CREB3L2: variants seen among roughly 807,000 people sequenced by gnomAD.
The protein encoded by CREB3L2 is cAMP responsive element binding protein 3 like 2, also known as cyclic AMP-responsive element-binding protein 3-like protein 2.
CREB3L2 carries 23 observed loss-of-function variants against 57.2 expected under a neutral mutation model. That is an observed-to-expected ratio of 0.40 (90% CI 0.29 to 0.57). The LOEUF (loss-of-function observed/expected upper bound fraction) is 0.57. Among genes scored for constraint, CREB3L2 ranks in the 20% least tolerant of loss-of-function variants. CREB3L2 has a pLI of 0.42. For missense variants in CREB3L2, 628 were observed against 634.7 expected (o/e 0.99, Z 0.11); for synonymous variants, 268 against 265.1 (o/e 1.01, Z -0.11).
At chr7:137,901,738 G>T (rs1397774135) in intron 7 of CREB3L2, among the ~76,000 whole-genome samples, 1 of 151,516 alleles carries the variant, frequency 6.6e-6, no homozygotes, top group Non-Finnish European at 1.5e-5. Flanking sequence ...AATTAGCTGG[G>T]CGTGGTGGCA....
intron 1 of CREB3L2, among the ~76,000 whole-genome samples, chr7:137,936,461 A>T (rs781282041): frequency 1.8e-4 from 28 of 152,276 alleles, no homozygotes; most frequent in Non-Finnish European, 2.9e-4. Flanking sequence ...GCGTGTGTGC[A>T]TGTGAGTGTG....
chr7:137,994,623 C>T (rs937088498), intron 1 of CREB3L2, among the ~76,000 whole-genome samples: 4 of 152,124 alleles, frequency 2.6e-5, no homozygotes, highest in African/African-American at 7.2e-5. Flanking sequence ...TTTCACTGGG[C>T]ATTGGTAGCA....
intron 1 of CREB3L2, among the ~76,000 whole-genome samples, chr7:137,951,267 T>C (rs1365774925): frequency 6.6e-6 from 1 of 152,190 alleles, no homozygotes; most frequent in East Asian, 1.9e-4. Flanking sequence ...GGCTGTGATA[T>C]GCCTCACAGA....
chr7:137,883,415 G>A (rs554567593), intron 10 of CREB3L2, among the ~76,000 whole-genome samples: 23 of 152,258 alleles, frequency 1.5e-4, no homozygotes, highest in South Asian at 1.2e-3. Context: ...GGCTGAAACC[G>A]AAGATAGAAC....
At chr7:137,901,023 T>A (rs1472719879) in intron 8 of CREB3L2, among the ~76,000 whole-genome samples, 1 of 152,196 alleles carries the variant, frequency 6.6e-6, no homozygotes, top group Non-Finnish European at 1.5e-5. Context: ...AGCTTCTTCT[T>A]CAATCCTGTA....
At chr7:137,918,108 G>A (rs554425327) in intron 2 of CREB3L2, among the ~76,000 whole-genome samples, 2 of 152,156 alleles carry the variant, frequency 1.3e-5, no homozygotes, top group Admixed American at 6.5e-5. Context: ...AAGAACACCC[G>A]CTTAGGACAG....
chr7:137,902,194 CA>C (rs58506555), intron 7 of CREB3L2, among the ~76,000 whole-genome samples: 2,392 of 84,864 alleles, frequency 0.028, 60 homozygotes, highest in African/African-American at 0.081. Context: ...ACTCTGTCTC[CA>C]AAAAAAAAAA....
At chr7:137,922,733 G>A (rs1376856649) in intron 2 of CREB3L2, 3 of 415,790 alleles carry the variant, frequency 7.2e-6, no homozygotes, top group East Asian at 7.4e-5. Flanking sequence ...CAGGGAGGGC[G>A]GACCGTACAT....
chr7:137,956,534 C>T, intron 1 of CREB3L2: 1 of 1,038,324 alleles, frequency 9.6e-7, no homozygotes, highest in South Asian at 1.3e-5. Flanking sequence ...CCTAAGCCCA[C>T]CTGAGCTGCT....
Position 138,001,727 on chromosome 7 carries a change from C to A in CREB3L2, c.-22G>T. The A allele has an allele frequency of 6.3e-7, 1 of 1,580,432 alleles. No homozygotes were observed. The highest frequency in any genetic ancestry group is 8.6e-7 in the Non-Finnish European group (1 of 1,162,544). ...CCATGGCGGTGCGGGCCGCGCTGGG[C>A]CGAGGATGCTAAGCGCAGGAGGGGA... On this transcript the variant is annotated 5_prime_UTR_variant, in exon 1 of 12. Coordinates refer to ENST00000330387, the MANE Select transcript of CREB3L2 (RefSeq NM_194071.4). This position sits in a 1 kb window ranked among gnomAD's most constrained non-coding sequence, Gnocchi z 4.2.
At chr7:137,954,251 T>C (rs1801163432) in intron 1 of CREB3L2, among the ~76,000 whole-genome samples, 1 of 151,754 alleles carries the variant, frequency 6.6e-6, no homozygotes, top group African/African-American at 2.4e-5. Flanking sequence ...TCTTAGTGCT[T>C]GTTTACATTT....
At chr7:137,974,957 T>C (rs1801580465) in intron 1 of CREB3L2, among the ~76,000 whole-genome samples, 1 of 152,098 alleles carries the variant, frequency 6.6e-6, no homozygotes, top group Non-Finnish European at 1.5e-5. Context: ...TATGGGCCCA[T>C]CATGATAGAG....
intron 1 of CREB3L2, among the ~76,000 whole-genome samples, chr7:137,946,905 T>C (rs1272621295): frequency 1.1e-4 from 6 of 56,798 alleles, no homozygotes; most frequent in Admixed American, 5.1e-4. Context: ...TATAGTTATA[T>C]ATATAGTTAT....
At chr7:137,995,969 A>AT (rs1411078947) in intron 1 of CREB3L2, among the ~76,000 whole-genome samples, 2 of 152,190 alleles carry the variant, frequency 1.3e-5, no homozygotes, top group Non-Finnish European at 2.9e-5. Flanking sequence ...TCCGTCAAAG[A>AT]TTTTTTGCTA....
At chr7:137,986,777 T>A (rs1295264489) in intron 1 of CREB3L2, among the ~76,000 whole-genome samples, 1 of 152,200 alleles carries the variant, frequency 6.6e-6, no homozygotes, top group Admixed American at 6.5e-5. Flanking sequence ...TGTATTTCAG[T>A]CAAAAGGAAA....
chr7:137,891,487 C>CA (rs2117184965), intron 8 of CREB3L2, among the ~76,000 whole-genome samples: 1 of 151,856 alleles, frequency 6.6e-6, no homozygotes, highest in South Asian at 2.1e-4. Flanking sequence ...CCACTGGAGT[C>CA]AGAAACCAGG....
intron 1 of CREB3L2, among the ~76,000 whole-genome samples, chr7:137,994,842 G>T (rs73729538): frequency 0.042 from 6,321 of 152,206 alleles, 204 homozygotes; most frequent in African/African-American, 0.078. Context: ...ACTGTTTTGC[G>T]CCCAGGGCAA....
chr7:137,893,804 G>A (rs1269762572), intron 8 of CREB3L2, among the ~76,000 whole-genome samples: 2 of 152,216 alleles, frequency 1.3e-5, no homozygotes, highest in Admixed American at 1.3e-4. Flanking sequence ...TGTCAGGCAA[G>A]CATGTCCCTT....
chr7:137,916,061 G>C (rs1158528948), intron 2 of CREB3L2, 49 bp from the exon 3 acceptor site: 2 of 1,505,496 alleles, frequency 1.3e-6, no homozygotes. Context: ...AGGGCATCAG[G>C]CATAAGCAAA....
Sources: allele counts gnomAD v4.1 joint callset (sites outside exome capture counted in the v4.1 genomes callset), GRCh38; gene constraint gnomAD v4.1.1; non-coding constraint Gnocchi (gnomAD v3.1); transcripts MANE v1.5; gene names NCBI Gene and HGNC (gene_info 2026-07-23, HGNC 2026-07-21).